Variants in THSD7A observed in about 807,000 individuals in gnomAD.
The protein encoded by THSD7A is thrombospondin type 1 domain containing 7A, also known as thrombospondin type-1 domain-containing protein 7A.
Under a neutral mutation model 231.3 loss-of-function variants are expected in THSD7A, and 96 were observed. The ratio of observed to expected loss-of-function variants is 0.41; its 90% CI spans 0.35 to 0.49. The LOEUF (loss-of-function observed/expected upper bound fraction) is 0.49. Among genes scored for constraint, THSD7A ranks in the 20% least tolerant of loss-of-function variants. The pLI is 0.05. For synonymous variants in THSD7A, 940 were observed against 743.3 expected, an observed-to-expected ratio of 1.26 and a Z score of -4.30; for missense variants, 2,290 against 2,070.2, an observed-to-expected ratio of 1.11 and a Z score of -2.06.
At chr7:11,469,297 A>C (rs1785840197) in intron 9 of THSD7A, among the ~76,000 whole-genome samples, 1 of 152,168 alleles carries the variant, frequency 6.6e-6, no homozygotes. Flanking sequence ...GTGAAGAAAG[A>C]ATTATCAAAG....
At chr7:11,735,434 T>A (rs1291803219) in intron 1 of THSD7A, among the ~76,000 whole-genome samples, 4 of 151,962 alleles carry the variant, frequency 2.6e-5, no homozygotes, top group African/African-American at 9.7e-5. Flanking sequence ...AAACTTTGCT[T>A]CATGCACAAA....
intron 7 of THSD7A, among the ~76,000 whole-genome samples, chr7:11,478,142 T>C (rs976481297): frequency 1.3e-5 from 2 of 152,174 alleles, no homozygotes; most frequent in Non-Finnish European, 2.9e-5. Flanking sequence ...TTACCCATTG[T>C]TATCTCCATT....
intron 4 of THSD7A, among the ~76,000 whole-genome samples, chr7:11,566,074 A>G (rs1033437446): frequency 6.6e-6 from 1 of 152,188 alleles, no homozygotes; most frequent in African/African-American, 2.4e-5. Flanking sequence ...GGCTTCTGGG[A>G]TTACTTAAAC....
At chr7:11,638,833 T>A (rs889739079) in intron 1 of THSD7A, among the ~76,000 whole-genome samples, 1 of 152,192 alleles carries the variant, frequency 6.6e-6, no homozygotes, top group Non-Finnish European at 1.5e-5. Context: ...TATTTTAATC[T>A]TATTTTTAAC....
chr7:11,448,598 G>A (rs1049991186), intron 11 of THSD7A, among the ~76,000 whole-genome samples: 1 of 152,100 alleles, frequency 6.6e-6, no homozygotes, highest in Non-Finnish European at 1.5e-5. Flanking sequence ...AGGGCATAGA[G>A]GGCCTCAGGT....
chr7:11,497,160 G>A (rs542310061), intron 6 of THSD7A, among the ~76,000 whole-genome samples: 24 of 152,266 alleles, frequency 1.6e-4, no homozygotes, highest in South Asian at 2.1e-4. Context: ...GCTGAGTAAA[G>A]GGGGAAGACC....
At chr7:11,516,616 A>T (rs1788040787) in intron 6 of THSD7A, among the ~76,000 whole-genome samples, 1 of 152,240 alleles carries the variant, frequency 6.6e-6, no homozygotes, top group African/African-American at 2.4e-5. Flanking sequence ...TTTTGGCTTT[A>T]AATTCTTATC....
intron 9 of THSD7A, among the ~76,000 whole-genome samples, chr7:11,466,389 A>T (rs1028228969): frequency 1.3e-5 from 2 of 152,042 alleles, no homozygotes; most frequent in African/African-American, 4.8e-5. Context: ...CATTTACTTT[A>T]TTTTCTTCAC....
At chr7:11,734,183 G>C (rs1781830463) in intron 1 of THSD7A, among the ~76,000 whole-genome samples, 1 of 151,856 alleles carries the variant, frequency 6.6e-6, no homozygotes, top group African/African-American at 2.4e-5. Flanking sequence ...TGTTATTTCT[G>C]TAGTTAAAAC....
In THSD7A at chr7:11,429,141, T is replaced by C. The variant is rs200565598; in HGVS notation, c.3065-16A>G. Reference sequence around the variant, plus strand: ...TCAATGTAACCTGAGTAGAGGAAAATGAGACAAGAATCATCTCCTCCACCT... The same window carrying C: ...TCAATGTAACCTGAGTAGAGGAAAACGAGACAAGAATCATCTCCTCCACCT... On this transcript the variant is annotated splice_polypyrimidine_tract_variant and intron_variant, in intron 13 of 27. Coordinates refer to ENST00000423059, the MANE Select transcript of THSD7A (RefSeq NM_015204.3). 1.8e-3 allele frequency: 2,769 copies of C among 1,545,316 alleles called. 7 individuals are homozygous for C. Among genetic ancestry groups the C allele is most frequent in the Middle Eastern group, 2.6e-3 (15 of 5,792 alleles).
At position 11,740,169 on chromosome 7, in the gene THSD7A, A is replaced by G. The variant is rs544975341; in HGVS notation, c.190+91588T>C. ...CACGTCTCACTCCTCAGTGGCTTCA[A>G]GGTAGTCCTAGGACAGTCATAAGGC... On this transcript the variant is annotated intron_variant, in intron 1 of 27. Coordinates refer to ENST00000423059, the MANE Select transcript of THSD7A (RefSeq NM_015204.3). Among the ~76,000 whole-genome samples the G allele has an allele frequency of 3.9e-5, 6 of 152,012 alleles. No individual in the cohort carries two copies. In the East Asian group the frequency reaches 7.8e-4, roughly 20 times the overall value.
intron 23 of THSD7A, among the ~76,000 whole-genome samples, chr7:11,395,630 T>G (rs754273006): frequency 2.4e-4 from 36 of 151,496 alleles, no homozygotes; most frequent in Non-Finnish European, 4.4e-4. Context: ...CAGGTTAAAG[T>G]GATTCTCCTG....
chr7:11,568,443 G>A (rs1790460277), intron 4 of THSD7A, among the ~76,000 whole-genome samples: 3 of 151,924 alleles, frequency 2.0e-5, no homozygotes, highest in South Asian at 2.1e-4. Flanking sequence ...GGCTAACATG[G>A]TGAAACCCCG....
chr7:11,421,587 T>C (rs776993330), intron 16 of THSD7A, among the ~76,000 whole-genome samples: 15 of 152,198 alleles, frequency 9.9e-5, no homozygotes, highest in Non-Finnish European at 2.1e-4. Flanking sequence ...AATATACTCA[T>C]TTTAAGAAAA....
At chr7:11,440,481 A>G (rs1397443195) in intron 13 of THSD7A, among the ~76,000 whole-genome samples, 1 of 152,058 alleles carries the variant, frequency 6.6e-6, no homozygotes, top group African/African-American at 2.4e-5. Flanking sequence ...AAACCTCTGG[A>G]AAGGATTCAC....
At chr7:11,796,927 A>C (rs1784141394) in intron 1 of THSD7A, among the ~76,000 whole-genome samples, 4 of 152,122 alleles carry the variant, frequency 2.6e-5, no homozygotes, top group African/African-American at 7.2e-5. Context: ...TTTCCGCTAA[A>C]GTATTTAAAT....
rs115336843 is a variant in THSD7A, at chr7:11,484,639, G to A, written c.1823-2657C>T. Among the ~76,000 whole-genome samples the A allele has an allele frequency of 7.5e-3, 1,147 of 152,174 alleles. 11 individuals carry two copies. The highest frequency in any genetic ancestry group is 0.026 in the African/African-American group (1,100 of 41,536). Reference sequence around the variant, plus strand: ...ATACTTAGAACCTAGAATAGTGCCCGACACGTAGGAAGCACTAAATCATTT... The same window carrying A: ...ATACTTAGAACCTAGAATAGTGCCCAACACGTAGGAAGCACTAAATCATTT... On this transcript the variant is annotated intron_variant, in intron 6 of 27. Transcript: ENST00000423059.
At chr7:11,574,592 G>A (rs1008727694) in intron 4 of THSD7A, among the ~76,000 whole-genome samples, 2 of 150,150 alleles carry the variant, frequency 1.3e-5, no homozygotes, top group Non-Finnish European at 3.0e-5. Context: ...CCACCACCAC[G>A]CCCGGCTAAT....
intron 11 of THSD7A, among the ~76,000 whole-genome samples, chr7:11,451,812 AT>A (rs1184287447): frequency 1.3e-5 from 2 of 152,022 alleles, no homozygotes; most frequent in Admixed American, 1.3e-4. Flanking sequence ...TCTGAGTGTA[AT>A]TGCTCATCTT....
Sources: gnomAD v4.1 joint callset for allele counts (sites outside exome capture counted in the v4.1 genomes callset) on GRCh38, gnomAD v4.1.1 for gene constraint, MANE v1.5 for transcripts, NCBI Gene and HGNC (gene_info 2026-07-23, HGNC 2026-07-21) for gene names.